The following APOLD1 variants were observed in gnomAD, a reference collection of about 807,000 sequenced individuals.
APOLD1 encodes apolipoprotein L domain-containing protein 1.
A neutral mutation model predicts 15.3 loss-of-function variants in APOLD1; 22 were observed. The ratio of observed to expected loss-of-function variants is 1.44; its 90% CI spans 1.03 to 2.05. APOLD1 has a LOEUF of 2.05. Among genes scored for constraint, APOLD1 ranks in the 30% most tolerant of loss-of-function variants. APOLD1 has a pLI of 0.00. For synonymous variants in APOLD1, 190 were observed against 167.4 expected (o/e 1.13, Z -1.04); for missense variants, 394 against 353.5 (o/e 1.11, Z -0.92).
intron 1 of APOLD1, among the ~76,000 whole-genome samples, chr12:12,726,783 T>C (rs1480042863): frequency 6.6e-6 from 1 of 152,228 alleles, no homozygotes; most frequent in Admixed American, 6.5e-5. Flanking sequence ...ATTATGCCTT[T>C]AGCAAGGCTG....
At chr12:12,748,245 T>G (rs1946781159) in intron 1 of APOLD1, among the ~76,000 whole-genome samples, 1 of 152,214 alleles carries the variant, frequency 6.6e-6, no homozygotes, top group South Asian at 2.1e-4. Context: ...AGTGAGAGAT[T>G]GGCTTCCAAT....
intron 1 of APOLD1, among the ~76,000 whole-genome samples, chr12:12,730,688 AAAAAAAAAAAG>A (rs1188838458): frequency 3.4e-4 from 42 of 124,542 alleles, no homozygotes; most frequent in Admixed American, 1.7e-3. Flanking sequence ...TCTAAAAAAA[AAAAAAAAAAAG>A]AAAGAAAGAA....
At chr12:12,737,823 G>T (rs753010106) in intron 1 of APOLD1, among the ~76,000 whole-genome samples, 1 of 152,174 alleles carries the variant, frequency 6.6e-6, no homozygotes, top group Non-Finnish European at 1.5e-5. Flanking sequence ...GAATGTGGCT[G>T]CACGATAGTG....
intron 1 of APOLD1, among the ~76,000 whole-genome samples, chr12:12,743,776 T>C (rs1946744311): frequency 6.6e-6 from 1 of 152,194 alleles, no homozygotes; most frequent in South Asian, 2.1e-4. Flanking sequence ...TCCTGAATCT[T>C]GGAAGAGGAA....
chr12:12,770,265 C>T, intron 1 of APOLD1, among the ~76,000 whole-genome samples: 1 of 152,170 alleles, frequency 6.6e-6, no homozygotes, highest in Non-Finnish European at 1.5e-5. Flanking sequence ...ATTAGCCGGG[C>T]ATGGTGGCAC....
intron 1 of APOLD1, among the ~76,000 whole-genome samples, chr12:12,737,367 A>C (rs904486864): frequency 2.0e-5 from 3 of 152,130 alleles, no homozygotes; most frequent in Admixed American, 2.0e-4. Context: ...CAGCAAATTG[A>C]TCACTATTTG....
At chr12:12,726,487 A>G (rs990621992) in intron 1 of APOLD1, 26 of 270,396 alleles carry the variant, frequency 9.6e-5, no homozygotes, top group Non-Finnish European at 1.8e-4. Context: ...TTAGAACCCA[A>G]TTATGTTTTA....
intron 1 of APOLD1, among the ~76,000 whole-genome samples, chr12:12,756,938 C>T (rs1297166845): frequency 6.6e-6 from 1 of 152,166 alleles, no homozygotes; most frequent in South Asian, 2.1e-4. Flanking sequence ...AGGCGCCCAC[C>T]ACCAGGGCCA....
In APOLD1 at chr12:12,745,699, T is replaced by G. The variant is rs74434284; in HGVS notation, c.96+19603T>G. Among the ~76,000 whole-genome samples, 44 of 152,204 alleles carry G rather than the reference T, an allele frequency of 2.9e-4. No homozygotes were observed. The East Asian group carries it at 7.9e-3, about 27-fold the overall frequency. On this transcript the variant is annotated intron_variant, in intron 1 of 1. Transcript: ENST00000326765. ...AGTACACGTTGAATTTGTGGTAGAT[T>G]AGGTGTATTAAGTGCTGAGATTGGC...
intron 1 of APOLD1, among the ~76,000 whole-genome samples, chr12:12,744,437 C>T (rs1204469873): frequency 6.6e-6 from 1 of 151,656 alleles, no homozygotes; most frequent in Non-Finnish European, 1.5e-5. Flanking sequence ...GGTGAAACCC[C>T]ATCTCTACTA....
chr12:12,757,937 CTTTTTTTTTT>C (rs144139766), intron 1 of APOLD1, among the ~76,000 whole-genome samples: 13 of 121,402 alleles, frequency 1.1e-4, no homozygotes, highest in African/African-American at 3.5e-4. Context: ...AATTCAATAT[CTTTTTTTTTT>C]TTTTTTTTTT....
intron 1 of APOLD1, among the ~76,000 whole-genome samples, chr12:12,778,178 C>G (rs1235897865): frequency 1.3e-5 from 2 of 151,964 alleles, no homozygotes; most frequent in African/African-American, 4.8e-5. Context: ...AGTCCGCCAG[C>G]CTTGGACTCC....
intron 1 of APOLD1, among the ~76,000 whole-genome samples, chr12:12,751,310 T>C (rs1204663287): frequency 6.6e-6 from 1 of 152,060 alleles, no homozygotes; most frequent in Non-Finnish European, 1.5e-5. Context: ...GTTAAACCAA[T>C]GTCTTAAGAG....
chr12:12,770,172 G>C (rs1312279500), intron 1 of APOLD1, among the ~76,000 whole-genome samples: 1 of 152,122 alleles, frequency 6.6e-6, no homozygotes, highest in Non-Finnish European at 1.5e-5. Context: ...CACTTTGGGA[G>C]GCCGAGGCGG....
chr12:12,786,822 C>G, intron 1 of APOLD1, 87 bp from the exon 2 acceptor site: 1 of 1,321,032 alleles, frequency 7.6e-7, no homozygotes, highest in Non-Finnish European at 9.6e-7. Flanking sequence ...GAACTCGTGC[C>G]AAGTTCCCGC....
intron 1 of APOLD1, among the ~76,000 whole-genome samples, chr12:12,771,902 A>C (rs77172617): frequency 0.024 from 3,701 of 152,254 alleles, 143 homozygotes; most frequent in African/African-American, 0.084. Flanking sequence ...TGGCATATTC[A>C]AAAGTGACTC....
intron 1 of APOLD1, 95 bp from the exon 2 acceptor site, chr12:12,786,814 A>C: frequency 7.6e-7 from 1 of 1,316,560 alleles, no homozygotes; most frequent in Non-Finnish European, 9.6e-7. Context: ...GCTCCGCTGA[A>C]CTCGTGCCAA....
intron 1 of APOLD1, among the ~76,000 whole-genome samples, chr12:12,752,284 G>C (rs1946818089): frequency 6.6e-6 from 1 of 152,100 alleles, no homozygotes; most frequent in Non-Finnish European, 1.5e-5. Flanking sequence ...AGCCAGTCAA[G>C]CCCAAGAAAG....
At chr12:12,734,775 C>T (rs952239306) in intron 1 of APOLD1, among the ~76,000 whole-genome samples, 3 of 152,196 alleles carry the variant, frequency 2.0e-5, no homozygotes, top group African/African-American at 7.2e-5. Context: ...CTAATGGTTG[C>T]TTAGTAGTGC....
Sources: allele counts gnomAD v4.1 joint callset (sites outside exome capture counted in the v4.1 genomes callset), GRCh38; gene constraint gnomAD v4.1.1; transcripts MANE v1.5; gene names NCBI Gene and HGNC (gene_info 2026-07-23, HGNC 2026-07-21).